Variants in UHRF2 observed in about 807,000 individuals in gnomAD.
UHRF2 encodes ubiquitin like with PHD and ring finger domains 2.
A neutral mutation model predicts 96.8 loss-of-function variants in UHRF2; 23 were observed. That is an observed-to-expected ratio of 0.24 (90% confidence interval 0.17 to 0.34). UHRF2 has a LOEUF of 0.34. Among genes scored for constraint, UHRF2 ranks in the 10% least tolerant of loss-of-function variants. The pLI is 1.00. For synonymous variants in UHRF2, 385 were observed against 332.6 expected (o/e 1.16, Z -1.72); for missense variants, 685 against 981.5 (o/e 0.70, Z 4.04).
intron 3 of UHRF2, among the ~76,000 whole-genome samples, chr9:6,447,621 A>C (rs1476197781): frequency 2.6e-5 from 4 of 152,200 alleles, no homozygotes; most frequent in Admixed American, 2.6e-4. Flanking sequence ...CCAGTTAAAC[A>C]TGGCAGGTTA....
intron 14 of UHRF2, among the ~76,000 whole-genome samples, chr9:6,502,124 G>C (rs1191391587): frequency 6.6e-6 from 1 of 152,118 alleles, no homozygotes; most frequent in Non-Finnish European, 1.5e-5. Context: ...ACAGGTGTTA[G>C]CCAACAGTGA....
chr9:6,463,480 T>G (rs1048903820), intron 4 of UHRF2, among the ~76,000 whole-genome samples: 5 of 152,058 alleles, frequency 3.3e-5, no homozygotes, highest in Non-Finnish European at 7.4e-5. Context: ...AATTTTTTTT[T>G]TTTTTTGGGA....
chr9:6,481,093 C>A (rs1421814419), intron 6 of UHRF2, among the ~76,000 whole-genome samples: 1 of 152,088 alleles, frequency 6.6e-6, no homozygotes. Context: ...TTACGAAATA[C>A]AAGTTACAGT....
chr9:6,430,584 G>A (rs1418619957), intron 2 of UHRF2, among the ~76,000 whole-genome samples: 1 of 151,966 alleles, frequency 6.6e-6, no homozygotes, highest in Non-Finnish European at 1.5e-5. Flanking sequence ...ATGTAATCCC[G>A]AGTCCATGCA....
intron 6 of UHRF2, among the ~76,000 whole-genome samples, chr9:6,479,439 C>T (rs575991114): frequency 4.6e-5 from 7 of 152,240 alleles, no homozygotes; most frequent in Non-Finnish European, 2.9e-5. Flanking sequence ...CCGTCACCTA[C>T]CAGATTTCAG....
chr9:6,490,765 GT>G (rs1224108783), intron 9 of UHRF2, among the ~76,000 whole-genome samples: 5 of 152,172 alleles, frequency 3.3e-5, no homozygotes, highest in Non-Finnish European at 7.3e-5. Flanking sequence ...TCTTAGTTAA[GT>G]CTGTTACATA....
chr9:6,429,562 C>G (rs1293143115), intron 2 of UHRF2, among the ~76,000 whole-genome samples: 3 of 152,150 alleles, frequency 2.0e-5, no homozygotes, highest in African/African-American at 7.2e-5. Context: ...AACTCCTGAC[C>G]TCAGGTGCTC....
At chr9:6,420,719 A>G (rs1303524028) in intron 1 of UHRF2, among the ~76,000 whole-genome samples, 193 bp from the exon 2 acceptor site, 1 of 151,808 alleles carries the variant, frequency 6.6e-6, no homozygotes. Context: ...AAAAAAAAAA[A>G]AAGAGAGAGA....
At position 6,478,395 on chromosome 9, in the gene UHRF2, G is replaced by A. The variant is rs1823717252; in HGVS notation, c.1160+587G>A. 2.0e-5 allele frequency among the ~76,000 whole-genome samples: 3 copies of A among 152,216 alleles called. No homozygotes were observed. In the South Asian group the frequency reaches 6.2e-4, roughly 32 times the overall value. On this transcript the variant is annotated intron_variant, in intron 6 of 15. Transcript: ENST00000276893. ...ACCCCTAACCATGTTAGATATCCTT[G>A]TTATGTTCTATAATAGTACTTAATA...
chr9:6,501,858 G>A (rs922328268), intron 14 of UHRF2, among the ~76,000 whole-genome samples: 1 of 152,212 alleles, frequency 6.6e-6, no homozygotes, highest in African/African-American at 2.4e-5. Context: ...GGGCTTGTTA[G>A]TGATAACTGA....
intron 10 of UHRF2, chr9:6,496,024 T>C (rs187723094): frequency 1.3e-5 from 2 of 152,242 alleles, no homozygotes; most frequent in African/African-American, 4.8e-5. Context: ...CTTGGGAAGC[T>C]TCAACTCTTT....
intron 2 of UHRF2, among the ~76,000 whole-genome samples, chr9:6,433,326 A>T: frequency 6.6e-6 from 1 of 151,984 alleles, no homozygotes; most frequent in East Asian, 1.9e-4. Flanking sequence ...TTTATATTTT[A>T]TCTTTGTTCT....
chr9:6,489,785 C>G (rs867940533), intron 9 of UHRF2, among the ~76,000 whole-genome samples: 1 of 139,322 alleles, frequency 7.2e-6, no homozygotes, highest in African/African-American at 2.7e-5. Context: ...TATTTACTTG[C>G]TTTCATGGAT....
chr9:6,426,461 T>C (rs1369047067), intron 2 of UHRF2, among the ~76,000 whole-genome samples: 1 of 152,220 alleles, frequency 6.6e-6, no homozygotes, highest in Non-Finnish European at 1.5e-5. Context: ...GTTCATACAA[T>C]AATAAATTTA....
intron 15 of UHRF2, 35 bp from the exon 16 acceptor site, chr9:6,505,998 T>A: frequency 6.2e-7 from 1 of 1,612,370 alleles, no homozygotes; most frequent in Non-Finnish European, 8.5e-7. Flanking sequence ...TGCTTTATGC[T>A]CAGATTAAAT....
At position 6,417,858 on chromosome 9, in the gene UHRF2, T is replaced by TAGTAGAA. The variant is rs1259125664; in HGVS notation, c.154-3052_154-3046dup. On this transcript the variant is annotated intron_variant, in intron 1 of 15. Transcript: ENST00000276893. The stretch of plus-strand genomic sequence containing the variant: ...TTTGTATTTACTCCTGACCGTCATT[T>TAGTAGAA]AGTAGAAACTAACCAGGAGCTGACT... 2.0e-5 allele frequency among the ~76,000 whole-genome samples: 3 copies of TAGTAGAA among 152,216 alleles called. No homozygotes were observed. In the East Asian group the frequency reaches 5.8e-4, roughly 29 times the overall value.
In UHRF2 at chr9:6,451,773, TTTG is replaced by T. The variant is rs1168664809; in HGVS notation, c.645-8776_645-8774del. On this transcript the variant is annotated intron_variant, in intron 3 of 15. Transcript: ENST00000276893. Reference sequence around the variant, plus strand: ...GGCGTGAGCCACCGCGCCCGGCCTGTTTGTTGTTGTTGTTGTTGTTGTTGTTTT... The same window carrying T: ...GGCGTGAGCCACCGCGCCCGGCCTGTTTGTTGTTGTTGTTGTTGTTGTTTT... Among the ~76,000 whole-genome samples the T allele has an allele frequency of 1.3e-3, 188 of 148,916 alleles. 2 individuals are homozygous for T. Among genetic ancestry groups the T allele is most frequent in the African/African-American group, 4.4e-3 (176 of 40,242 alleles).
intron 3 of UHRF2, among the ~76,000 whole-genome samples, chr9:6,449,061 G>A (rs974123278): frequency 6.6e-6 from 1 of 152,076 alleles, no homozygotes; most frequent in Non-Finnish European, 1.5e-5. Context: ...TTATTTTGAA[G>A]CAAGTCCTGA....
At chr9:6,439,832 A>G (rs1821059991) in intron 3 of UHRF2, among the ~76,000 whole-genome samples, 1 of 152,182 alleles carries the variant, frequency 6.6e-6, no homozygotes, top group Non-Finnish European at 1.5e-5. Flanking sequence ...GAGAGAGACT[A>G]TACTTGAATG....
Sources: allele counts gnomAD v4.1 joint callset (sites outside exome capture counted in the v4.1 genomes callset), GRCh38; gene constraint gnomAD v4.1.1; transcripts MANE v1.5; gene names NCBI Gene and HGNC (gene_info 2026-07-23, HGNC 2026-07-21).